Variants in ARMC8 observed in about 807,000 individuals in gnomAD.
ARMC8 encodes the protein armadillo repeat-containing protein 8.
In ARMC8, 20 loss-of-function variants were observed where a neutral mutation model predicts 99.3. The ratio of observed to expected loss-of-function variants is 0.20; its 90% confidence interval spans 0.14 to 0.29. ARMC8 has a LOEUF of 0.29. Among genes scored for constraint, ARMC8 ranks in the 10% least tolerant of loss-of-function variants. ARMC8 has a pLI of 1.00. For synonymous variants in ARMC8, 263 were observed against 278.3 expected (o/e 0.95, Z 0.55); for missense variants, 569 against 809.5 (o/e 0.70, Z 3.60).
rs549728972 is a variant in ARMC8, at chr3:138,195,523, G to A, written c.45+7924G>A. ...TGTAGGGTCTTCAGATTTTACTTTT[G>A]AGACCTAGCCTTCTTATCACCTCCT... is the stretch of plus-strand genomic sequence containing the variant. On this transcript the variant is annotated intron_variant, in intron 1 of 21. Transcript: ENST00000469044. 1.2e-3 allele frequency among the ~76,000 whole-genome samples: 179 copies of A among 152,202 alleles called. 4 individuals are homozygous for A. Among genetic ancestry groups the A allele is most frequent in the Non-Finnish European group, 3.5e-4 (24 of 68,016 alleles).
chr3:138,229,134 GTATATATATATATATATATATATA>G lies in ARMC8; in HGVS notation c.528+150_528+173del, dbSNP rs71146119. 1.8e-3 allele frequency: 138 copies of G among 78,616 alleles called. 8 individuals carry two copies. The highest frequency in any genetic ancestry group is 6.8e-3 in the African/African-American group (98 of 14,314). The allele number at this position is 78,616 out of a possible 1,614,324, so 4.9% of individuals were successfully genotyped here. ...TATAAGTAGACCTGTGTGTGTGCGT[GTATATATATATATATATATATATA>G]TATATATATATATATATATATATAT... is the stretch of plus-strand genomic sequence containing the variant. On this transcript the variant is annotated intron_variant, in intron 6 of 21. Coordinates refer to ENST00000469044, the MANE Select transcript of ARMC8 (RefSeq NM_001363941.2).
At chr3:138,194,851 A>G (rs570843493) in intron 1 of ARMC8, among the ~76,000 whole-genome samples, 1 of 152,158 alleles carries the variant, frequency 6.6e-6, no homozygotes, top group African/African-American at 2.4e-5. Flanking sequence ...CTGTAAACAT[A>G]AATTTGGCCT....
chr3:138,295,733 G>A, intron 21 of ARMC8, 126 bp from the exon 22 acceptor site: 1 of 1,001,922 alleles, frequency 1.0e-6, no homozygotes, highest in Non-Finnish European at 1.5e-6. Flanking sequence ...GCCCACCTGG[G>A]CTCACCCCAA....
chr3:138,221,482 G>A (rs9862439), intron 2 of ARMC8, among the ~76,000 whole-genome samples: 89,333 of 151,878 alleles, frequency 0.59, 26,735 homozygotes, highest in East Asian at 0.81. Context: ...AAATGGAATT[G>A]TAAGAAATAA....
chr3:138,284,220 G>A (rs1264092459), intron 18 of ARMC8, among the ~76,000 whole-genome samples: 1 of 152,210 alleles, frequency 6.6e-6, no homozygotes. Flanking sequence ...AACCACCAAA[G>A]TGTTGGGGTT....
At chr3:138,261,733 G>T (rs1192405962) in intron 12 of ARMC8, 3 of 152,176 alleles carry the variant, frequency 2.0e-5, no homozygotes, top group Non-Finnish European at 4.4e-5. Context: ...GTAAAGATGT[G>T]AGAACATTAT....
chr3:138,226,504 T>G lies in ARMC8; in HGVS notation c.436-2414T>G, dbSNP rs540495446. Among the ~76,000 whole-genome samples, 26 of 152,352 alleles carry G rather than the reference T, an allele frequency of 1.7e-4. 1 individual carries two copies. In the East Asian group the frequency reaches 4.8e-3, roughly 28 times the overall value. On this transcript the variant is annotated intron_variant, in intron 5 of 21. Transcript: ENST00000469044. ...TTTGCATTTCTAACAAATTTGCAGG[T>G]AACTCAGATGCTGCTGGTCTCAAAG...
intron 1 of ARMC8, among the ~76,000 whole-genome samples, chr3:138,204,515 T>C (rs2108003824): frequency 6.6e-6 from 1 of 152,350 alleles, no homozygotes; most frequent in East Asian, 1.9e-4. Context: ...AAAAGCCTTC[T>C]TTCAAGGTTC....
At chr3:138,240,819 C>T (rs1300511852) in intron 10 of ARMC8, among the ~76,000 whole-genome samples, 6 of 152,134 alleles carry the variant, frequency 3.9e-5, no homozygotes, top group African/African-American at 7.2e-5. Context: ...CAAGTGGATC[C>T]GTCAGGCTTA....
chr3:138,271,250 CTTAT>C (rs1052102826), intron 16 of ARMC8, among the ~76,000 whole-genome samples: 1 of 152,182 alleles, frequency 6.6e-6, no homozygotes, highest in African/African-American at 2.4e-5. Flanking sequence ...CTTCCCAGGA[CTTAT>C]TTTTTTTAAA....
intron 1 of ARMC8, among the ~76,000 whole-genome samples, chr3:138,208,291 C>A (rs2044499873): frequency 6.6e-6 from 1 of 152,052 alleles, no homozygotes; most frequent in Non-Finnish European, 1.5e-5. Context: ...CATGGTGAAA[C>A]CCCATCTCTA....
intron 19 of ARMC8, among the ~76,000 whole-genome samples, chr3:138,287,454 C>T (rs1228970819): frequency 2.6e-5 from 4 of 152,208 alleles, no homozygotes; most frequent in African/African-American, 2.4e-5. Flanking sequence ...ACCCCTCCAC[C>T]CTCCAATTTT....
chr3:138,280,325 A>G (rs1485576431), intron 18 of ARMC8, among the ~76,000 whole-genome samples: 1 of 148,860 alleles, frequency 6.7e-6, no homozygotes, highest in Non-Finnish European at 1.5e-5. Flanking sequence ...TATTATTATT[A>G]TATATATTTT....
chr3:138,204,462 T>G (rs2044251211), intron 1 of ARMC8, among the ~76,000 whole-genome samples: 1 of 152,198 alleles, frequency 6.6e-6, no homozygotes, highest in Non-Finnish European at 1.5e-5. Flanking sequence ...CTGAGTCTAC[T>G]TCTCCCTCTA....
Position 138,245,973 on chromosome 3 carries a change from C to T in ARMC8, c.1134+790C>T, listed in dbSNP as rs1232123042. On this transcript the variant is annotated intron_variant, in intron 12 of 21. Coordinates refer to ENST00000469044, the MANE Select transcript of ARMC8 (RefSeq NM_001363941.2). ...CATGTTCTGTCTTGAGGAGCCATAG[C>T]AGAAAGAGCAAATTAGTCATTATTT... is the stretch of plus-strand genomic sequence containing the variant. 5.1e-6 allele frequency: 5 copies of T among 985,192 alleles called. No homozygotes were observed. The Admixed American group carries it at 1.8e-4, about 36-fold the overall frequency. The allele number at this position is 985,192 out of a possible 1,614,324, so 61.0% of individuals were successfully genotyped here. A position where few individuals can be genotyped will look rare whatever the true frequency, so the allele number is the denominator to read the frequency against.
At chr3:138,241,723 C>G in intron 10 of ARMC8, 60 bp from the exon 11 acceptor site, 2 of 1,412,508 alleles carry the variant, frequency 1.4e-6, no homozygotes, top group South Asian at 2.3e-5. Context: ...GATTCAGTCA[C>G]TATATGCTTA....
chr3:138,189,213 T>C (rs1053157987), intron 1 of ARMC8, among the ~76,000 whole-genome samples: 3 of 152,138 alleles, frequency 2.0e-5, no homozygotes, highest in Admixed American at 6.6e-5. Context: ...AAAAACTTCT[T>C]GAAGAGTATT....
intron 18 of ARMC8, 24 bp from the exon 19 acceptor site, chr3:138,284,407 T>A (rs780294149): frequency 1.3e-6 from 2 of 1,583,244 alleles, no homozygotes; most frequent in Non-Finnish European, 1.7e-6. Flanking sequence ...CTTTCCTGAC[T>A]GTTGGCCCTT....
At chr3:138,218,395 C>T (rs1480146571) in intron 2 of ARMC8, among the ~76,000 whole-genome samples, 1 of 152,160 alleles carries the variant, frequency 6.6e-6, no homozygotes, top group East Asian at 1.9e-4. Context: ...CTCCCTATCA[C>T]TTTTCTAACT....
Sources: gnomAD v4.1 joint callset for allele counts (sites outside exome capture counted in the v4.1 genomes callset) on GRCh38, gnomAD v4.1.1 for gene constraint, MANE v1.5 for transcripts, NCBI Gene and HGNC (gene_info 2026-07-23, HGNC 2026-07-21) for gene names.